Variants in SRBD1 observed in about 807,000 individuals in gnomAD.
SRBD1 encodes the protein S1 RNA-binding domain-containing protein 1.
In SRBD1, 88 loss-of-function variants were observed where a neutral mutation model predicts 115.3. The ratio of observed to expected loss-of-function variants is 0.76; its 90% CI spans 0.64 to 0.91. The LOEUF (loss-of-function observed/expected upper bound fraction) is 0.91. Among genes scored for constraint, SRBD1 ranks in the 40% least tolerant of loss-of-function variants. SRBD1 has a pLI of 0.00. For missense variants in SRBD1, 1,385 were observed against 1,177.4 expected (o/e 1.18, Z -2.58); for synonymous variants, 509 against 407.7 (o/e 1.25, Z -2.99).
At chr2:45,533,232 A>G (rs1671668287) in intron 14 of SRBD1, among the ~76,000 whole-genome samples, 1 of 152,048 alleles carries the variant, frequency 6.6e-6, no homozygotes, top group African/African-American at 2.4e-5. Context: ...TATGATGGAA[A>G]AAAAGAGCTA....
chr2:45,501,550 C>A (rs1337205957), intron 14 of SRBD1, among the ~76,000 whole-genome samples: 2 of 152,210 alleles, frequency 1.3e-5, no homozygotes, highest in African/African-American at 2.4e-5. Flanking sequence ...CCAAGGGAAG[C>A]TGTGACAGAT....
chr2:45,527,490 T>G (rs951261191), intron 14 of SRBD1, among the ~76,000 whole-genome samples: 5 of 151,778 alleles, frequency 3.3e-5, no homozygotes, highest in African/African-American at 1.2e-4. Flanking sequence ...AGGTAAGATT[T>G]TGATAGGCAG....
rs765743767 is a variant in SRBD1 at position 45,547,513 on chromosome 2, T to C, written c.1766+9A>G. The C allele has an allele frequency of 1.9e-6, 3 of 1,612,090 alleles. No homozygotes were observed. The highest frequency in any genetic ancestry group is 1.1e-5 in the South Asian group (1 of 90,952). On this transcript the variant is annotated intron_variant, in intron 13 of 20. Coordinates refer to ENST00000263736, the MANE Select transcript of SRBD1 (RefSeq NM_018079.5). ...ACTGATATATTCAAAAGATTACTTA[T>C]TTTCATACTTGAAATTCAGCAAAAG...
At chr2:45,590,798 C>T (rs994019223) in intron 4 of SRBD1, among the ~76,000 whole-genome samples, 5 of 152,150 alleles carry the variant, frequency 3.3e-5, no homozygotes, top group African/African-American at 1.2e-4. Context: ...GTGCGGATAA[C>T]CTGAGGTCAG....
intron 14 of SRBD1, among the ~76,000 whole-genome samples, chr2:45,503,850 A>G (rs1266621051): frequency 1.3e-5 from 2 of 152,164 alleles, no homozygotes; most frequent in African/African-American, 2.4e-5. Flanking sequence ...TATGAATGCT[A>G]TTTCTATAAC....
chr2:45,405,919 GA>G (rs1667423842), intron 19 of SRBD1, among the ~76,000 whole-genome samples: 2 of 152,194 alleles, frequency 1.3e-5, no homozygotes, highest in South Asian at 4.1e-4. Flanking sequence ...AGGTCTAAGG[GA>G]AAGTAAGATA....
chr2:45,480,205 C>T (rs1464684477), intron 15 of SRBD1, among the ~76,000 whole-genome samples: 14 of 152,162 alleles, frequency 9.2e-5, no homozygotes. Context: ...ATCCATTCTG[C>T]ATACCATGTA....
At chr2:45,518,876 TA>T (rs1207736855) in intron 14 of SRBD1, among the ~76,000 whole-genome samples, 2 of 149,702 alleles carry the variant, frequency 1.3e-5, no homozygotes, top group African/African-American at 2.5e-5. Context: ...TTTGTACAAG[TA>T]AAAAAAATTA....
chr2:45,515,908 G>T (rs1671103950), intron 14 of SRBD1, among the ~76,000 whole-genome samples: 1 of 152,100 alleles, frequency 6.6e-6, no homozygotes, highest in African/African-American at 2.4e-5. Context: ...GGGCATGGTG[G>T]CTGATTCACT....
chr2:45,606,336 T>G lies in SRBD1; in HGVS notation c.1-895A>C, dbSNP rs536743081. On this transcript the variant is annotated intron_variant, in intron 1 of 20. Coordinates refer to ENST00000263736, the MANE Select transcript of SRBD1 (RefSeq NM_018079.5). ...CAACACACCCGGCTAATTTTGTATTTTTTAGTAGAGACAGCATTTCTCCAT... is the reference window on the plus strand; with the variant it reads ...CAACACACCCGGCTAATTTTGTATTGTTTAGTAGAGACAGCATTTCTCCAT... 7.6e-4 allele frequency among the ~76,000 whole-genome samples: 116 copies of G among 152,266 alleles called. 2 individuals carry two copies. The Middle Eastern group carries it at 0.01, about 13-fold the overall frequency.
At chr2:45,551,717 G>A (rs866741216) in intron 11 of SRBD1, among the ~76,000 whole-genome samples, 2 of 152,078 alleles carry the variant, frequency 1.3e-5, no homozygotes, top group Admixed American at 1.3e-4. Flanking sequence ...AAGTAATTTC[G>A]TATGCTAAAG....
chr2:45,534,283 T>C (rs1032636006), intron 14 of SRBD1, among the ~76,000 whole-genome samples: 2 of 152,026 alleles, frequency 1.3e-5, no homozygotes, highest in African/African-American at 2.4e-5. Flanking sequence ...TTCAACAAAA[T>C]GAACATAAAT....
chr2:45,478,546 T>G (rs1233259790), intron 15 of SRBD1, among the ~76,000 whole-genome samples: 1 of 152,196 alleles, frequency 6.6e-6, no homozygotes, highest in East Asian at 1.9e-4. Context: ...ACATAAACCT[T>G]TATTATTTAA....
At chr2:45,525,716 T>C (rs887637806) in intron 14 of SRBD1, among the ~76,000 whole-genome samples, 2 of 152,124 alleles carry the variant, frequency 1.3e-5, no homozygotes, top group East Asian at 1.9e-4. Flanking sequence ...TACTATCAAT[T>C]TGAAGAAAAT....
intron 18 of SRBD1, among the ~76,000 whole-genome samples, chr2:45,417,643 A>T (rs1418114527): frequency 1.3e-5 from 2 of 152,240 alleles, no homozygotes; most frequent in Non-Finnish European, 2.9e-5. Flanking sequence ...TGATTATATC[A>T]TGCTAAGAAG....
At chr2:45,460,466 C>T (rs1471147286) in intron 16 of SRBD1, among the ~76,000 whole-genome samples, 2 of 152,068 alleles carry the variant, frequency 1.3e-5, no homozygotes, top group African/African-American at 2.4e-5. Context: ...GTCGAGGAAA[C>T]AGGCACATAG....
At chr2:45,568,285 G>T (rs1307479808) in intron 9 of SRBD1, among the ~76,000 whole-genome samples, 1 of 152,186 alleles carries the variant, frequency 6.6e-6, no homozygotes, top group Non-Finnish European at 1.5e-5. Flanking sequence ...TATTCCCACA[G>T]TACTTGGAGA....
At chr2:45,433,992 T>C (rs865889939) in intron 16 of SRBD1, among the ~76,000 whole-genome samples, 3 of 152,148 alleles carry the variant, frequency 2.0e-5, no homozygotes, top group East Asian at 1.9e-4. Context: ...GAAACACAGA[T>C]TGAAGCATGG....
chr2:45,449,443 G>T (rs931544808), intron 16 of SRBD1, among the ~76,000 whole-genome samples: 5 of 152,058 alleles, frequency 3.3e-5, no homozygotes, highest in African/African-American at 1.2e-4. Context: ...TTATTTAAAA[G>T]TAATTTTGAT....
Sources: allele counts gnomAD v4.1 joint callset (sites outside exome capture counted in the v4.1 genomes callset), GRCh38; gene constraint gnomAD v4.1.1; transcripts MANE v1.5; gene names NCBI Gene and HGNC (gene_info 2026-07-23, HGNC 2026-07-21).